Variants in ERC1 observed in about 807,000 individuals in gnomAD.
The protein encoded by ERC1 is ELKS/RAB6-interacting/CAST family member 1.
A neutral mutation model predicts 132.0 loss-of-function variants in ERC1; 56 were observed. The observed-to-expected ratio is 0.42, with a 90% CI of 0.34 to 0.53. The LOEUF (loss-of-function observed/expected upper bound fraction) is 0.53. Ranked by LOEUF, ERC1 falls within the 20% of genes least tolerant of loss-of-function variation. The pLI, the probability that ERC1 is intolerant of heterozygous loss-of-function variation, is 0.03. For synonymous variants in ERC1, 478 were observed against 476.1 expected, an observed-to-expected ratio of 1.00 and a Z score of -0.05; for missense variants, 1,202 against 1,349.9, an observed-to-expected ratio of 0.89 and a Z score of 1.72.
At chr12:1,200,724 AG>A (rs1307038414) in intron 12 of ERC1, among the ~76,000 whole-genome samples, 2 of 151,928 alleles carry the variant, frequency 1.3e-5, no homozygotes, top group African/African-American at 4.8e-5. Flanking sequence ...ACAGCCGGCT[AG>A]TTTTTTGTAT....
At chr12:1,331,288 C>A (rs1397550614) in intron 15 of ERC1, among the ~76,000 whole-genome samples, 3 of 152,200 alleles carry the variant, frequency 2.0e-5, no homozygotes, top group East Asian at 1.9e-4. Context: ...TGGGTTCTTT[C>A]ACTCTGTGTT....
At chr12:1,371,195 C>T (rs1303084602) in intron 15 of ERC1, among the ~76,000 whole-genome samples, 8 of 102,298 alleles carry the variant, frequency 7.8e-5, no homozygotes, top group Non-Finnish European at 1.6e-4. Context: ...CTCCCCATTT[C>T]CCCCTCTCTC....
intron 13 of ERC1, among the ~76,000 whole-genome samples, chr12:1,257,864 T>C (rs950020672): frequency 1.3e-5 from 2 of 152,198 alleles, no homozygotes; most frequent in African/African-American, 4.8e-5. Flanking sequence ...TTTAATCAAA[T>C]ATATCCAAAA....
chr12:1,130,225 A>G (rs1186624997), intron 7 of ERC1, among the ~76,000 whole-genome samples: 2 of 152,174 alleles, frequency 1.3e-5, no homozygotes, highest in Middle Eastern at 3.2e-3. Context: ...ATGGCCAGGC[A>G]GAGTGACTCA....
intron 18 of ERC1, among the ~76,000 whole-genome samples, chr12:1,446,148 A>T (rs1218904663): frequency 6.6e-6 from 1 of 152,200 alleles, no homozygotes; most frequent in Non-Finnish European, 1.5e-5. Context: ...GTTTACTGTC[A>T]CTTGTAAAAA....
At chr12:1,118,329 C>T (rs1183649515) in intron 7 of ERC1, among the ~76,000 whole-genome samples, 2 of 152,102 alleles carry the variant, frequency 1.3e-5, no homozygotes, top group Admixed American at 6.6e-5. Context: ...TGACTTTTCC[C>T]CCTTGGCAAT....
chr12:1,180,823 A>G, intron 9 of ERC1, 146 bp downstream of exon 9: 1 of 966,730 alleles, frequency 1.0e-6, no homozygotes, highest in Admixed American at 2.6e-5. Context: ...GTGAAGGGAA[A>G]CATTTTTTTT....
chr12:1,283,363 A>G (rs1018944908), intron 14 of ERC1, among the ~76,000 whole-genome samples: 2 of 152,164 alleles, frequency 1.3e-5, no homozygotes, highest in African/African-American at 4.8e-5. Context: ...TATAGGATTT[A>G]TCTCTTCTTT....
intron 15 of ERC1, among the ~76,000 whole-genome samples, chr12:1,353,911 A>G (rs935502173): frequency 3.9e-5 from 6 of 152,188 alleles, no homozygotes; most frequent in Admixed American, 1.3e-4. Flanking sequence ...AATCTTTAAC[A>G]TGTTTTATCT....
intron 15 of ERC1, among the ~76,000 whole-genome samples, chr12:1,347,496 T>C (rs574419376): frequency 2.6e-5 from 4 of 152,344 alleles, no homozygotes; most frequent in African/African-American, 9.6e-5. Context: ...ACTTAAAATC[T>C]ATACTCAGCA....
At chr12:1,481,829 C>T (rs147135835) in intron 18 of ERC1, among the ~76,000 whole-genome samples, 2 of 152,222 alleles carry the variant, frequency 1.3e-5, no homozygotes, top group African/African-American at 2.4e-5. Flanking sequence ...CCTCCTCCAG[C>T]GCTAAATCAC....
At chr12:1,184,935 G>C (rs963333213) in intron 11 of ERC1, among the ~76,000 whole-genome samples, 3 of 151,998 alleles carry the variant, frequency 2.0e-5, no homozygotes, top group South Asian at 4.2e-4. Flanking sequence ...TTTTGAGACA[G>C]AGTCTCACTC....
chr12:1,066,412 A>G (rs1334073392), intron 2 of ERC1, among the ~76,000 whole-genome samples: 1 of 152,250 alleles, frequency 6.6e-6, no homozygotes, highest in Non-Finnish European at 1.5e-5. Flanking sequence ...TATCAAATCA[A>G]GTGAGCCCTT....
intron 11 of ERC1, among the ~76,000 whole-genome samples, chr12:1,185,311 A>C (rs1267096529): frequency 6.6e-6 from 1 of 151,894 alleles, no homozygotes; most frequent in African/African-American, 2.4e-5. Context: ...AACTGCTGGG[A>C]GCAAGGCCAC....
intron 5 of ERC1, among the ~76,000 whole-genome samples, chr12:1,111,640 T>C (rs570599931): frequency 6.6e-6 from 1 of 151,180 alleles, no homozygotes; most frequent in East Asian, 1.9e-4. Context: ...TTTTTTTGAG[T>C]CGGAGGTATG....
At chr12:1,339,273 G>T (rs1566625571) in intron 15 of ERC1, among the ~76,000 whole-genome samples, 1 of 141,850 alleles carries the variant, frequency 7.0e-6, no homozygotes. Context: ...CAGGGTGCCT[G>T]CCCCCATGTA....
intron 16 of ERC1, among the ~76,000 whole-genome samples, chr12:1,394,218 G>A (rs1234881148): frequency 2.0e-5 from 3 of 150,714 alleles, no homozygotes; most frequent in Admixed American, 2.0e-4. Context: ...GGCTAACACG[G>A]TGAAACCCCA....
At chr12:1,155,524 G>A (rs1170899357) in intron 8 of ERC1, among the ~76,000 whole-genome samples, 1 of 151,488 alleles carries the variant, frequency 6.6e-6, no homozygotes, top group Non-Finnish European at 1.5e-5. Flanking sequence ...CGCCCAGGCT[G>A]GATTGCAGTG....
intron 1 of ERC1, among the ~76,000 whole-genome samples, chr12:1,017,884 A>G (rs1257794654): frequency 6.6e-6 from 1 of 152,186 alleles, no homozygotes; most frequent in Admixed American, 6.5e-5. Context: ...TAGGTCTCTG[A>G]CATAGAGTTT....
Sources: gnomAD v4.1 joint callset for allele counts (sites outside exome capture counted in the v4.1 genomes callset) on GRCh38, gnomAD v4.1.1 for gene constraint, MANE v1.5 for transcripts, NCBI Gene and HGNC (gene_info 2026-07-23, HGNC 2026-07-21) for gene names.